Variants in GRIN2A observed in about 807,000 individuals in gnomAD.
GRIN2A encodes glutamate ionotropic receptor NMDA type subunit 2A, also known as glutamate receptor ionotropic, NMDA 2A.
GRIN2A carries 22 observed loss-of-function variants against 113.4 expected under a neutral mutation model. The ratio of observed to expected loss-of-function variants is 0.19; its 90% CI spans 0.14 to 0.28. GRIN2A has a LOEUF of 0.28. GRIN2A is among the 10% of genes least tolerant of loss of function. The probability of loss-of-function intolerance (pLI) is 1.00; values close to 1 mark genes in which losing one functional copy is unlikely to be tolerated. For synonymous variants in GRIN2A, 827 were observed against 738.4 expected, an observed-to-expected ratio of 1.12 and a Z score of -1.94; for missense variants, 1,502 against 1,887.0, an observed-to-expected ratio of 0.80 and a Z score of 3.78.
chr16:9,881,698 A>C (rs1026624396), intron 4 of GRIN2A, among the ~76,000 whole-genome samples: 4 of 152,202 alleles, frequency 2.6e-5, no homozygotes, highest in Non-Finnish European at 5.9e-5. Flanking sequence ...CCAGAGATAT[A>C]ATGGTAAAGG....
At chr16:10,116,428 A>G (rs1690800654) in intron 2 of GRIN2A, among the ~76,000 whole-genome samples, 2 of 152,364 alleles carry the variant, frequency 1.3e-5, no homozygotes, top group South Asian at 4.1e-4. Context: ...TACCTAGGTA[A>G]CAAACCTATG....
chr16:9,881,204 T>G (rs1481087514), intron 4 of GRIN2A, among the ~76,000 whole-genome samples: 1 of 152,250 alleles, frequency 6.6e-6, no homozygotes, highest in Admixed American at 6.5e-5. Flanking sequence ...TTTATTTGCC[T>G]TGTTATTCTC....
chr16:9,917,932 A>G (rs2044282803), intron 3 of GRIN2A, among the ~76,000 whole-genome samples: 1 of 152,208 alleles, frequency 6.6e-6, no homozygotes, highest in Non-Finnish European at 1.5e-5. Context: ...AACATACTTA[A>G]TTAAGCTATG....
At chr16:9,870,061 G>T (rs1209268366) in intron 4 of GRIN2A, among the ~76,000 whole-genome samples, 1 of 152,300 alleles carries the variant, frequency 6.6e-6, no homozygotes, top group East Asian at 1.9e-4. Flanking sequence ...AGACAGATCT[G>T]CTTTTCACTT....
At position 9,764,937 on chromosome 16, in the gene GRIN2A, G is replaced by A. The variant is rs1402208981; in HGVS notation, c.2607C>T (p.Ser869=). Residue 869 remains serine (S), a synonymous_variant, in exon 13 of 13, where the codon AGC becomes AGT. Transcript: ENST00000330684. ...CTTCAATGTGCACTCCATGAATGCAGCTGTAGATGCCCTGTAGGGGAGCAA... is the reference window on the plus strand; with the variant it reads ...CTTCAATGTGCACTCCATGAATGCAACTGTAGATGCCCTGTAGGGGAGCAA... The part of the protein sequence containing the change: ...LLFSISRGIY[S]CIHGVHIEEK... 4 of 1,614,058 alleles carry A rather than the reference G, an allele frequency of 2.5e-6. No homozygotes were observed. In the Middle Eastern group the frequency reaches 5.0e-4, roughly 200 times the overall value.
intron 2 of GRIN2A, among the ~76,000 whole-genome samples, chr16:10,058,834 A>G (rs2047500487): frequency 6.6e-6 from 1 of 152,214 alleles, no homozygotes; most frequent in Non-Finnish European, 1.5e-5. Context: ...GGCCAAAAAG[A>G]CAGATGTGGT....
intron 2 of GRIN2A, among the ~76,000 whole-genome samples, chr16:10,056,078 G>C (rs1355779122): frequency 6.6e-6 from 1 of 152,162 alleles, no homozygotes; most frequent in African/African-American, 2.4e-5. Context: ...AGTCATTCCA[G>C]TTAACAGCAT....
chr16:9,982,767 G>C (rs77069171), intron 2 of GRIN2A, among the ~76,000 whole-genome samples: 2,609 of 152,266 alleles, frequency 0.017, 42 homozygotes, highest in Non-Finnish European at 0.022. Flanking sequence ...TTTGGTAACT[G>C]CTTTGCTCAT....
chr16:10,125,990 C>G (rs1002031191), intron 2 of GRIN2A, among the ~76,000 whole-genome samples: 2 of 151,960 alleles, frequency 1.3e-5, no homozygotes, highest in African/African-American at 4.8e-5. Flanking sequence ...CAGGAGGAGC[C>G]CCAGACTCCT....
At chr16:9,826,000 GA>G (rs1303642543) in intron 9 of GRIN2A, among the ~76,000 whole-genome samples, 5 of 150,872 alleles carry the variant, frequency 3.3e-5, no homozygotes, top group African/African-American at 4.9e-5. Context: ...AAGAGAAGGA[GA>G]GGGGGAGGAA....
At chr16:9,985,318 C>T (rs559988990) in intron 2 of GRIN2A, among the ~76,000 whole-genome samples, 1 of 152,078 alleles carries the variant, frequency 6.6e-6, no homozygotes, top group East Asian at 1.9e-4. Context: ...TGGTTTTTAC[C>T]TGCCTTTATC....
intron 2 of GRIN2A, among the ~76,000 whole-genome samples, chr16:10,148,231 G>A (rs1212403987): frequency 6.6e-6 from 1 of 152,166 alleles, no homozygotes; most frequent in African/African-American, 2.4e-5. Flanking sequence ...ATTCATTGAT[G>A]CATTATCTAG....
Position 9,777,710 on chromosome 16 carries a change from T to G in GRIN2A, c.2357-8621A>C, listed in dbSNP as rs115232153. Among the ~76,000 whole-genome samples the G allele has an allele frequency of 5.9e-3, 902 of 152,306 alleles. 14 individuals are homozygous for G. Among genetic ancestry groups the G allele is most frequent in the African/African-American group, 0.021 (853 of 41,574 alleles). On this transcript the variant is annotated intron_variant, in intron 11 of 12. Transcript: ENST00000330684. The stretch of plus-strand genomic sequence containing the variant: ...TGCAGGATTTCACAGGCCACGTGAT[T>G]AGTCGCACAAGTTGGATGGAGTTGG...
intron 9 of GRIN2A, among the ~76,000 whole-genome samples, chr16:9,824,551 A>G (rs1247020033): frequency 1.3e-5 from 2 of 152,212 alleles, no homozygotes; most frequent in Non-Finnish European, 2.9e-5. Context: ...TAACAGAGAT[A>G]GATATTCAGT....
At chr16:9,907,964 C>T (rs544341497) in intron 3 of GRIN2A, among the ~76,000 whole-genome samples, 1 of 152,302 alleles carries the variant, frequency 6.6e-6, no homozygotes, top group East Asian at 1.9e-4. Flanking sequence ...GGTAGGCGGT[C>T]AGTGACCATT....
chr16:10,173,156 C>G (rs1886274164), intron 2 of GRIN2A, among the ~76,000 whole-genome samples: 1 of 152,218 alleles, frequency 6.6e-6, no homozygotes, highest in African/African-American at 2.4e-5. Context: ...TCGCATCTGA[C>G]ATGCCTCATG....
intron 2 of GRIN2A, among the ~76,000 whole-genome samples, chr16:10,163,371 C>T (rs909191971): frequency 2.6e-5 from 4 of 152,160 alleles, no homozygotes. Context: ...TGCTCTCAGC[C>T]CTACCTCCCT....
chr16:10,030,341 G>C (rs1254836256), intron 2 of GRIN2A, among the ~76,000 whole-genome samples: 1 of 152,110 alleles, frequency 6.6e-6, no homozygotes, highest in African/African-American at 2.4e-5. Context: ...TCCAGATCAT[G>C]TTGTGTTTGT....
At chr16:10,150,363 A>G (rs1299269780) in intron 2 of GRIN2A, among the ~76,000 whole-genome samples, 1 of 152,186 alleles carries the variant, frequency 6.6e-6, no homozygotes, top group African/African-American at 2.4e-5. Flanking sequence ...TAAGGTGGGA[A>G]CAAGGGCTTC....
Sources: gnomAD v4.1 joint callset for allele counts (sites outside exome capture counted in the v4.1 genomes callset) on GRCh38, gnomAD v4.1.1 for gene constraint, MANE v1.5 for transcripts, NCBI Gene and HGNC (gene_info 2026-07-23, HGNC 2026-07-21) for gene names.